Variants in SEMA3A observed in about 807,000 individuals in gnomAD.
SEMA3A encodes the protein semaphorin-3A.
Under a neutral mutation model 97.9 loss-of-function variants are expected in SEMA3A, and 29 were observed. That is an observed-to-expected ratio of 0.30 (90% CI 0.22 to 0.40). SEMA3A has a LOEUF of 0.40. Ranked by LOEUF, SEMA3A falls within the 10% of genes least tolerant of loss-of-function variation. The pLI is 1.00. For missense variants in SEMA3A, 763 were observed against 951.3 expected (o/e 0.80, Z 2.60); for synonymous variants, 321 against 323.7 (o/e 0.99, Z 0.09).
At chr7:84,449,276 G>GA (rs1805502084) in intron 1 of SEMA3A, among the ~76,000 whole-genome samples, 1 of 152,012 alleles carries the variant, frequency 6.6e-6, no homozygotes, top group South Asian at 2.1e-4. Flanking sequence ...TAGATGTAAA[G>GA]AAAAAGTATG....
chr7:84,440,032 C>T (rs570926321), intron 1 of SEMA3A, among the ~76,000 whole-genome samples: 1 of 152,184 alleles, frequency 6.6e-6, no homozygotes, highest in African/African-American at 2.4e-5. Context: ...ATGACAATTA[C>T]ATTTGGAACA....
At chr7:84,405,181 A>G (rs1255730967) in intron 1 of SEMA3A, among the ~76,000 whole-genome samples, 1 of 152,200 alleles carries the variant, frequency 6.6e-6, no homozygotes, top group East Asian at 1.9e-4. Flanking sequence ...ATAGGCTCAA[A>G]AAAAAGGGAT....
chr7:84,348,379 T>C (rs1182748941), intron 2 of SEMA3A, among the ~76,000 whole-genome samples: 7 of 152,206 alleles, frequency 4.6e-5, no homozygotes, highest in African/African-American at 1.7e-4. Context: ...TAGCATTAGC[T>C]AACATTTCTG....
chr7:84,324,949 C>T (rs887764334), intron 2 of SEMA3A, among the ~76,000 whole-genome samples: 4 of 151,956 alleles, frequency 2.6e-5, no homozygotes, highest in Admixed American at 6.6e-5. Flanking sequence ...CCACTCCATC[C>T]GTCAAAGACC....
chr7:84,198,571 T>C (rs901362258), upstream of SEMA3A, among the ~76,000 whole-genome samples: 2 of 152,232 alleles, frequency 1.3e-5, no homozygotes, highest in African/African-American at 4.8e-5. Context: ...TTTCTTCCTC[T>C]AAGTAGCCTA....
chr7:84,044,737 T>TA (rs1216426490), intron 6 of SEMA3A, among the ~76,000 whole-genome samples: 2 of 151,966 alleles, frequency 1.3e-5, no homozygotes, highest in African/African-American at 4.8e-5. Flanking sequence ...GCTATGAACT[T>TA]AGATATATTG....
intron 2 of SEMA3A, among the ~76,000 whole-genome samples, chr7:84,328,510 T>C (rs891140126): frequency 2.6e-5 from 4 of 152,098 alleles, no homozygotes; most frequent in African/African-American, 9.6e-5. Context: ...AAAATATCTT[T>C]GAAAAACGCA....
chr7:84,013,510 T>C (rs886875326), intron 7 of SEMA3A, among the ~76,000 whole-genome samples: 2 of 152,154 alleles, frequency 1.3e-5, no homozygotes, highest in African/African-American at 2.4e-5. Flanking sequence ...TTTCATGTTT[T>C]TCTCTCTTAA....
At position 84,425,301 on chromosome 7, in the gene SEMA3A, A is replaced by G. The variant is rs13232876; in HGVS notation, c.-245-53401T>C. Reference sequence around the variant, plus strand: ...TTATATAATATATTTATATTTATATAAATATATAATATAATGATATAAATA... The same window carrying G: ...TTATATAATATATTTATATTTATATGAATATATAATATAATGATATAAATA... On this transcript the variant is annotated intron_variant, in intron 1 of 3. Transcript: ENST00000424555. Among the ~76,000 whole-genome samples, 310 of 120,776 alleles carry G rather than the reference A, an allele frequency of 2.6e-3. 6 individuals are homozygous for G. Among genetic ancestry groups the G allele is most frequent in the Admixed American group, 0.021 (223 of 10,500 alleles). The allele number at this position is 120,776 out of a possible 152,430, so 79.2% of individuals were successfully genotyped here. A position where few individuals can be genotyped will look rare whatever the true frequency, so the allele number is the denominator to read the frequency against.
At chr7:84,371,081 T>A (rs868322958) in intron 2 of SEMA3A, among the ~76,000 whole-genome samples, 35 of 151,764 alleles carry the variant, frequency 2.3e-4, no homozygotes, top group African/African-American at 8.4e-4. Context: ...GGATGTACAT[T>A]CATATAGGTT....
intron 2 of SEMA3A, among the ~76,000 whole-genome samples, chr7:84,332,753 T>G (rs906521968): frequency 6.6e-6 from 1 of 152,112 alleles, no homozygotes; most frequent in African/African-American, 2.4e-5. Context: ...ATAATTTATT[T>G]TTTAGTTCTT....
At chr7:84,428,333 A>C (rs1399671437) in intron 1 of SEMA3A, among the ~76,000 whole-genome samples, 1 of 152,118 alleles carries the variant, frequency 6.6e-6, no homozygotes, top group African/African-American at 2.4e-5. Flanking sequence ...TGACGTAAAT[A>C]TAATTTTTTC....
At chr7:84,188,169 T>A (rs1047897941) in intron 1 of SEMA3A, among the ~76,000 whole-genome samples, 3 of 152,058 alleles carry the variant, frequency 2.0e-5, no homozygotes, top group Non-Finnish European at 4.4e-5. Context: ...AATGTGTGGT[T>A]CCTTTAAATT....
intron 2 of SEMA3A, among the ~76,000 whole-genome samples, chr7:84,356,284 T>C (rs542839032): frequency 6.6e-6 from 1 of 151,892 alleles, no homozygotes; most frequent in African/African-American, 2.4e-5. Flanking sequence ...AAAGGTAATT[T>C]AGTGGTTATG....
At chr7:84,000,127 G>A (rs984564134) in intron 12 of SEMA3A, among the ~76,000 whole-genome samples, 4 of 148,792 alleles carry the variant, frequency 2.7e-5, no homozygotes, top group African/African-American at 7.3e-5. Context: ...CTGAGTGCCT[G>A]TATAGTTTTC....
At chr7:84,443,311 G>T (rs1292223486) in intron 1 of SEMA3A, among the ~76,000 whole-genome samples, 1 of 152,170 alleles carries the variant, frequency 6.6e-6, no homozygotes, top group South Asian at 2.1e-4. Context: ...GGAATTAAAA[G>T]ATAAGAATTA....
chr7:84,082,520 A>G (rs890804345), intron 4 of SEMA3A, among the ~76,000 whole-genome samples: 5 of 152,162 alleles, frequency 3.3e-5, no homozygotes, highest in African/African-American at 1.2e-4. Flanking sequence ...AAATAAAACA[A>G]AAGCTACTTG....
chr7:84,364,386 G>A (rs930772456), intron 2 of SEMA3A, among the ~76,000 whole-genome samples: 20 of 151,566 alleles, frequency 1.3e-4, no homozygotes, highest in African/African-American at 1.7e-4. Context: ...ACTTTTAATT[G>A]TGTTATTAAG....
At chr7:84,221,145 G>T (rs1278576348) in intron 3 of SEMA3A, among the ~76,000 whole-genome samples, 1 of 152,062 alleles carries the variant, frequency 6.6e-6, no homozygotes, top group East Asian at 1.9e-4. Context: ...TTATTTTATG[G>T]AGATGGCTTC....
Sources: gnomAD v4.1 joint callset for allele counts (sites outside exome capture counted in the v4.1 genomes callset) on GRCh38, gnomAD v4.1.1 for gene constraint, MANE v1.5 for transcripts, NCBI Gene and HGNC (gene_info 2026-07-23, HGNC 2026-07-21) for gene names.